The following TPPP2 variants were observed in gnomAD, a reference collection of about 807,000 sequenced individuals.
TPPP2 encodes the protein tubulin polymerization-promoting protein family member 2.
TPPP2 carries 8 observed loss-of-function variants against 13.0 expected under a neutral mutation model. The ratio of observed to expected loss-of-function variants is 0.62; its 90% confidence interval spans 0.36 to 1.11. The LOEUF (loss-of-function observed/expected upper bound fraction) is 1.11. TPPP2 is among the 50% of genes most tolerant of loss of function. The pLI, the probability that TPPP2 is intolerant of heterozygous loss-of-function variation, is 0.02. For missense variants in TPPP2, 213 were observed against 216.9 expected, an observed-to-expected ratio of 0.98 and a Z score of 0.11; for synonymous variants, 81 against 81.8, an observed-to-expected ratio of 0.99 and a Z score of 0.05.
At chr14:21,029,441 A>T (rs1883911527), upstream of TPPP2, among the ~76,000 whole-genome samples, 1 of 152,094 alleles carries the variant, frequency 6.6e-6, no homozygotes, top group Non-Finnish European at 1.5e-5. Context: ...TCTCTACTAA[A>T]AATGCAAAAA....
chr14:21,026,146 G>T (rs1268705181), upstream of TPPP2, among the ~76,000 whole-genome samples: 1 of 151,650 alleles, frequency 6.6e-6, no homozygotes, highest in Admixed American at 6.6e-5. Flanking sequence ...ACACACACAC[G>T]CACACGCACA....
Position 21,025,070 on chromosome 14 carries a change from C to G in TPPP2, n.236+726C>G. ...CGCTTCCACCTTCACTTGCCTTTGA[C>G]TCGGGCCCGCCCCGGCTCGGGCTTC... On this transcript the variant is annotated intron_variant and non_coding_transcript_variant, in intron 1 of 1. Coordinates refer to the TPPP2 transcript ENST00000533755. This position sits in a 1 kb window ranked among gnomAD's most constrained non-coding sequence, Gnocchi z 5.1. 1 of 986,260 alleles carries G rather than the reference C, an allele frequency of 1.0e-6. No individual in the cohort carries two copies. The highest frequency in any genetic ancestry group is 1.1e-4 in the East Asian group (1 of 8,782). 61.1% of individuals were successfully genotyped at this position (986,260 alleles called of 1,614,324 possible).
chr14:21,030,840 C>A, intron 2 of TPPP2, 86 bp downstream of exon 2: 1 of 1,535,380 alleles, frequency 6.5e-7, no homozygotes, highest in Non-Finnish European at 8.8e-7. Context: ...GGAACATTTG[C>A]AGTGGGCCTA....
At chr14:21,035,436 C>A (rs1365171857), downstream of TPPP2, among the ~76,000 whole-genome samples, 1 of 152,212 alleles carries the variant, frequency 6.6e-6, no homozygotes, top group Non-Finnish European at 1.5e-5. Context: ...TCATCAACAT[C>A]TTCCCTTTCA....
chr14:21,034,612 C>G (rs190885389), downstream of TPPP2: 49 of 281,756 alleles, frequency 1.7e-4, no homozygotes, highest in East Asian at 1.8e-3. Context: ...CCCTGGCACT[C>G]CTGCTAGTAA....
upstream of TPPP2, among the ~76,000 whole-genome samples, chr14:21,027,611 A>G (rs1468537982): frequency 2.0e-5 from 3 of 152,234 alleles, no homozygotes; most frequent in Non-Finnish European, 4.4e-5. Context: ...GAATTCATCA[A>G]TACTTTGAAG....
chr14:21,033,359 G>A (rs1407721142), downstream of TPPP2: 1 of 279,524 alleles, frequency 3.6e-6, no homozygotes, highest in Non-Finnish European at 6.9e-6. Flanking sequence ...TATCCCCTGA[G>A]TAGGTGGGTG....
chr14:21,033,200 G>T, downstream of TPPP2: 1 of 353,034 alleles, frequency 2.8e-6, no homozygotes, highest in South Asian at 2.2e-5. Flanking sequence ...ACAGTCCTAG[G>T]CTCCATGGTA....
downstream of TPPP2, chr14:21,034,678 G>A (rs765092220): frequency 1.6e-5 from 3 of 193,342 alleles, no homozygotes; most frequent in Non-Finnish European, 3.2e-5. Flanking sequence ...TGGCAGCTGG[G>A]AGGAAGGACA....
At chr14:21,034,915 T>G (rs1025901428), downstream of TPPP2, 1 of 152,464 alleles carries the variant, frequency 6.6e-6, no homozygotes, top group Non-Finnish European at 1.5e-5. Context: ...TTACTTCCAA[T>G]CTCCTTGCCA....
chr14:21,031,880 C>G lies in TPPP2; in HGVS notation c.328-12C>G, dbSNP rs1431862434. ...GAAAGGAAGAGAGCTCAAATCCATC[C>G]CTGGCTTGCAGAAAGCAACAACAGT... On this transcript the variant is annotated splice_polypyrimidine_tract_variant and intron_variant, in intron 3 of 3. Coordinates refer to ENST00000321760, the MANE Select transcript of TPPP2 (RefSeq NM_173846.5). The G allele has an allele frequency of 6.2e-7, 1 of 1,610,826 alleles. No homozygotes were observed. The highest frequency in any genetic ancestry group is 8.5e-7 in the Non-Finnish European group (1 of 1,177,476).
chr14:21,030,938 T>A, intron 2 of TPPP2, 74 bp from the exon 3 acceptor site: 1 of 1,545,296 alleles, frequency 6.5e-7, no homozygotes, highest in Non-Finnish European at 8.7e-7. Flanking sequence ...CAAATCTGAG[T>A]GAGGCAAGAG....
downstream of TPPP2, chr14:21,036,107 T>C: frequency 2.3e-6 from 1 of 443,912 alleles, no homozygotes; most frequent in East Asian, 7.0e-5. Flanking sequence ...GTCCTCAGTA[T>C]GAGCCTGAGT....
chr14:21,033,167 C>T (rs528098801), downstream of TPPP2: 50 of 371,426 alleles, frequency 1.3e-4, no homozygotes, highest in Non-Finnish European at 2.4e-4. Flanking sequence ...AGGGTGACTA[C>T]GGTTGTTGGG....
downstream of TPPP2, chr14:21,033,489 A>T: frequency 2.7e-6 from 1 of 377,274 alleles, no homozygotes; most frequent in Non-Finnish European, 5.0e-6. Context: ...CTGGGCCTCC[A>T]TCCAGGACTT....
At chr14:21,034,298 T>C, downstream of TPPP2, 1 of 1,601,424 alleles carries the variant, frequency 6.2e-7, no homozygotes, top group Non-Finnish European at 8.5e-7. Context: ...TTCCTCCTGC[T>C]GGTAGAGTTA....
At position 21,032,805 on chromosome 14, in the gene TPPP2, CA is replaced by C; in HGVS notation, c.*730del. On this transcript the variant is annotated 3_prime_UTR_variant, in exon 4 of 4. Transcript: ENST00000321760. ...CACTGAAGAAAAAGCAATTAAATCA[CA>C]ACAGAGTCAGATGTGTGTTATTAAC... 4 of 383,222 alleles carry C rather than the reference CA, an allele frequency of 1.0e-5. No homozygotes were observed. Among genetic ancestry groups the C allele is most frequent in the South Asian group, 7.9e-5 (4 of 50,810 alleles). 23.7% of individuals were successfully genotyped at this position (383,222 alleles called of 1,614,324 possible).
At chr14:21,025,413 C>G (rs1330552758), upstream of TPPP2, 45 of 985,572 alleles carry the variant, frequency 4.6e-5, no homozygotes, top group Non-Finnish European at 5.4e-5. This position sits in a 1 kb window ranked among gnomAD's most constrained non-coding sequence, Gnocchi z 5.1. Context: ...CAATTGCACT[C>G]TGGCTCCTTC....
chr14:21,028,609 A>C (rs1161023957), upstream of TPPP2: 2 of 152,128 alleles, frequency 1.3e-5, no homozygotes, highest in Non-Finnish European at 2.9e-5. Context: ...AAAAAGATTT[A>C]GCAATGAGAA....
Sources: allele counts gnomAD v4.1 joint callset (sites outside exome capture counted in the v4.1 genomes callset), GRCh38; gene constraint gnomAD v4.1.1; non-coding constraint Gnocchi (gnomAD v3.1); transcripts MANE v1.5; gene names NCBI Gene and HGNC (gene_info 2026-07-23, HGNC 2026-07-21).